The following DPP4 variants were observed in gnomAD, a reference collection of about 807,000 sequenced individuals.
The protein encoded by DPP4 is ADCP-2.
In DPP4, 93 loss-of-function variants were observed where a neutral mutation model predicts 122.4. The ratio of observed to expected loss-of-function variants is 0.76; its 90% CI spans 0.64 to 0.90. The LOEUF (loss-of-function observed/expected upper bound fraction) is 0.90. DPP4 is among the 40% of genes least tolerant of loss of function. DPP4 has a pLI of 0.00. For missense variants in DPP4, 914 were observed against 907.3 expected (o/e 1.01, Z -0.09); for synonymous variants, 321 against 302.9 (o/e 1.06, Z -0.62).
chr2:162,054,054 C>A (rs951827667), intron 2 of DPP4, among the ~76,000 whole-genome samples: 3 of 152,184 alleles, frequency 2.0e-5, no homozygotes, highest in African/African-American at 7.2e-5. Context: ...TCCTCTGAGG[C>A]CTTGGGAACC....
chr2:162,024,746 G>A, intron 11 of DPP4, 58 bp downstream of exon 11: 2 of 1,588,650 alleles, frequency 1.3e-6, no homozygotes, highest in Non-Finnish European at 8.6e-7. Flanking sequence ...CTCCCCAACT[G>A]CACAGACCCT....
intron 2 of DPP4, 92 bp from the exon 3 acceptor site, chr2:162,047,593 C>A: frequency 1.2e-6 from 1 of 804,156 alleles, no homozygotes; most frequent in Admixed American, 2.9e-5. Flanking sequence ...TACAATATAC[C>A]CTGCTCAAAA....
intron 5 of DPP4, among the ~76,000 whole-genome samples, chr2:162,041,778 C>G (rs1323343545): frequency 2.0e-5 from 3 of 152,136 alleles, no homozygotes. Flanking sequence ...TCTTTTGAAA[C>G]AGATTCATTA....
At position 161,995,349 on chromosome 2, in the gene DPP4, A is replaced by G. The variant is rs751710311; in HGVS notation, c.2076T>C (p.Ala692=). 1 of 1,614,086 alleles carries G rather than the reference A, an allele frequency of 6.2e-7. No individual in the cohort carries two copies. The highest frequency in any genetic ancestry group is 1.1e-5 in the South Asian group (1 of 91,084). Residue 692 remains alanine, a synonymous_variant, in exon 24 of 26, where the codon GCT becomes GCC. Coordinates refer to ENST00000360534, the MANE Select transcript of DPP4 (RefSeq NM_001935.4). ...HYRNSTVMSR[A]ENFKQVEYLL... is the part of the protein sequence containing the mutation. Reference sequence around the variant, plus strand: ...GGTACTCAACTTGTTTAAAATTTTCAGCTCTGCTCATGACTGTTGAATTCT... The same window carrying G: ...GGTACTCAACTTGTTTAAAATTTTCGGCTCTGCTCATGACTGTTGAATTCT...
intron 2 of DPP4, among the ~76,000 whole-genome samples, chr2:162,055,761 G>A (rs1300099217): frequency 6.6e-6 from 1 of 152,136 alleles, no homozygotes; most frequent in East Asian, 1.9e-4. Flanking sequence ...TGTTGGGACT[G>A]CCAGGTGACC....
chr2:161,999,958 G>T (rs191535840), intron 23 of DPP4, among the ~76,000 whole-genome samples: 1 of 152,240 alleles, frequency 6.6e-6, no homozygotes, highest in East Asian at 1.9e-4. Context: ...AGGTTAAGTA[G>T]CCTCCTCAAA....
rs1255704867 is a variant in DPP4, at chr2:161,992,458, A to G, written c.*825T>C. ...TCAAGTTAAGATTTGTGATACAAAT[A>G]TTTTCATCTTTTAACAGGGCAAGCT... On this transcript the variant is annotated 3_prime_UTR_variant, in exon 26 of 26. Transcript: ENST00000360534. The G allele has an allele frequency of 6.5e-6, 1 of 152,682 alleles. No homozygotes were observed. The highest frequency in any genetic ancestry group is 1.5e-5 in the Non-Finnish European group (1 of 68,038). 9.5% of individuals were successfully genotyped at this position (152,682 alleles called of 1,614,324 possible). A position where few individuals can be genotyped will look rare whatever the true frequency, so the allele number is the denominator to read the frequency against.
At chr2:161,995,274 A>G (rs1700971901) in intron 24 of DPP4, 26 bp downstream of exon 24, 1 of 1,603,978 alleles carries the variant, frequency 6.2e-7, no homozygotes. Context: ...CTGTGATACT[A>G]AAAAGTCTAA....
chr2:162,040,105 C>A (rs563746326), intron 5 of DPP4, among the ~76,000 whole-genome samples: 14 of 152,084 alleles, frequency 9.2e-5, no homozygotes, highest in African/African-American at 3.1e-4. Flanking sequence ...GAGAAAAATT[C>A]TGAATAGTCT....
chr2:162,034,214 C>T (rs1008188895), intron 9 of DPP4, among the ~76,000 whole-genome samples: 2 of 151,930 alleles, frequency 1.3e-5, no homozygotes, highest in Non-Finnish European at 2.9e-5. Flanking sequence ...TGACTGAAAC[C>T]TATAAAACCT....
chr2:162,022,855 T>G, intron 11 of DPP4, 56 bp from the exon 12 acceptor site: 1 of 1,563,548 alleles, frequency 6.4e-7, no homozygotes, highest in Non-Finnish European at 8.8e-7. Context: ...ATGAAATCTA[T>G]AGCCATAATT....
chr2:162,018,610 T>C, intron 16 of DPP4, 119 bp downstream of exon 16: 1 of 1,284,428 alleles, frequency 7.8e-7, no homozygotes. Flanking sequence ...TAAATGTGAG[T>C]GGAGAGAAGG....
chr2:162,018,729 C>G lies in DPP4; in HGVS notation c.1420G>C (p.Gly474Arg), dbSNP rs201959805. 2 of 1,613,460 alleles carry G rather than the reference C, an allele frequency of 1.2e-6. No homozygotes were observed. Among genetic ancestry groups the G allele is most frequent in the Non-Finnish European group, 1.7e-6 (2 of 1,179,884 alleles). ...TCCCTCCCAGGGAGCTCAGACTTAC[C>G]GGAACATCTCAGCTGATAATACTTC... ...EAKYYQLRCS[G>R]PGLPLYTLHS... Residue 474 changes from glycine to arginine, a missense_variant and splice_region_variant, in exon 16 of 26, where the codon GGT becomes CGT. Transcript: ENST00000360534.
chr2:162,073,587 G>A (rs1685200969), intron 1 of DPP4, 101 bp from the exon 2 acceptor site: 3 of 1,221,824 alleles, frequency 2.5e-6, no homozygotes, highest in Non-Finnish European at 3.6e-6. Flanking sequence ...TTTGCAGGTG[G>A]GAGTGCGTTA....
chr2:162,064,012 A>G (rs919708424), intron 2 of DPP4, among the ~76,000 whole-genome samples: 5 of 152,176 alleles, frequency 3.3e-5, no homozygotes, highest in Admixed American at 3.3e-4. Context: ...TAGGAGCCTG[A>G]GCATTCATTC....
chr2:161,997,786 C>A (rs1701043791), intron 23 of DPP4, among the ~76,000 whole-genome samples: 2 of 152,136 alleles, frequency 1.3e-5, no homozygotes, highest in African/African-American at 2.4e-5. Flanking sequence ...AGGTCTAGAA[C>A]AATTCTCCTT....
chr2:162,051,343 T>G (rs969932494), intron 2 of DPP4, among the ~76,000 whole-genome samples: 7 of 152,250 alleles, frequency 4.6e-5, no homozygotes, highest in Non-Finnish European at 8.8e-5. Flanking sequence ...CTTTGATCAA[T>G]TGCTTCTGTA....
chr2:162,022,272 A>G (rs1683159788), intron 12 of DPP4, among the ~76,000 whole-genome samples: 1 of 152,240 alleles, frequency 6.6e-6, no homozygotes, highest in Non-Finnish European at 1.5e-5. Flanking sequence ...CTAATAAAGC[A>G]TAAGCCTGCA....
intron 2 of DPP4, among the ~76,000 whole-genome samples, chr2:162,058,071 C>A (rs1385263295): frequency 6.6e-6 from 1 of 152,176 alleles, no homozygotes; most frequent in Non-Finnish European, 1.5e-5. Context: ...CCATGCCTGG[C>A]CTCTAGTATG....
Sources: gnomAD v4.1 joint callset for allele counts (sites outside exome capture counted in the v4.1 genomes callset) on GRCh38, gnomAD v4.1.1 for gene constraint, MANE v1.5 for transcripts, NCBI Gene and HGNC (gene_info 2026-07-23, HGNC 2026-07-21) for gene names.